Variants in AGBL4 observed in about 807,000 individuals in gnomAD.
AGBL4 encodes the protein AGBL carboxypeptidase 4, also known as cytosolic carboxypeptidase 6.
In AGBL4, 58 loss-of-function variants were observed where a neutral mutation model predicts 66.4. That is an observed-to-expected ratio of 0.87 (90% CI 0.71 to 1.09). The LOEUF (loss-of-function observed/expected upper bound fraction) is 1.09, where lower values mean the gene tolerates loss of function less well. AGBL4 is among the 50% of genes least tolerant of loss of function. AGBL4 has a pLI of 0.00. For missense variants in AGBL4, 579 were observed against 631.0 expected (o/e 0.92, Z 0.88); for synonymous variants, 234 against 222.9 (o/e 1.05, Z -0.44).
chr1:49,874,886 A>G (rs1182977305), intron 1 of AGBL4, among the ~76,000 whole-genome samples: 1 of 151,852 alleles, frequency 6.6e-6, no homozygotes, highest in Non-Finnish European at 1.5e-5. Flanking sequence ...CAGGTTAGTT[A>G]CATATGTATA....
chr1:48,682,009 A>G (rs1646462844), intron 6 of AGBL4, among the ~76,000 whole-genome samples: 1 of 152,228 alleles, frequency 6.6e-6, no homozygotes, highest in African/African-American at 2.4e-5. Flanking sequence ...AGTTAAAATG[A>G]GGTCATGAGG....
intron 3 of AGBL4, among the ~76,000 whole-genome samples, chr1:49,328,797 G>T (rs1645273777): frequency 6.6e-6 from 1 of 152,066 alleles, no homozygotes; most frequent in Admixed American, 6.6e-5. Context: ...ACCAACTCCT[G>T]TTATCCCATC....
intron 6 of AGBL4, among the ~76,000 whole-genome samples, chr1:48,762,658 G>T (rs1165467239): frequency 6.8e-6 from 1 of 147,912 alleles, no homozygotes; most frequent in East Asian, 2.0e-4. Flanking sequence ...GTGTGTGTGT[G>T]TATGTATTTG....
At chr1:49,076,371 TA>T (rs917302207) in intron 4 of AGBL4, among the ~76,000 whole-genome samples, 1 of 152,246 alleles carries the variant, frequency 6.6e-6, no homozygotes, top group African/African-American at 2.4e-5. Flanking sequence ...TTTTATACTA[TA>T]TTTAGAAATT....
At chr1:49,601,739 C>A (rs1223822164) in intron 3 of AGBL4, among the ~76,000 whole-genome samples, 1 of 152,102 alleles carries the variant, frequency 6.6e-6, no homozygotes, top group African/African-American at 2.4e-5. Flanking sequence ...AGACCTAAAA[C>A]CATAAAAACC....
At chr1:49,515,289 G>A (rs1467234485) in intron 3 of AGBL4, among the ~76,000 whole-genome samples, 2 of 152,118 alleles carry the variant, frequency 1.3e-5, no homozygotes, top group African/African-American at 4.8e-5. Context: ...ATGAAAAAAT[G>A]CTCATCATCA....
chr1:48,909,642 A>T (rs17105126), intron 5 of AGBL4, among the ~76,000 whole-genome samples: 4,491 of 152,294 alleles, frequency 0.029, 201 homozygotes, highest in African/African-American at 0.1. Flanking sequence ...AGGATGTGAT[A>T]TATCAGTATC....
At position 49,947,187 on chromosome 1, in the gene AGBL4, C is replaced by A. The variant is rs773818329; in HGVS notation, c.34+76576G>T. ...GAGAAAGAGGGATTCCTCCCTAAAT[C>A]ATTCTATGAAGCCAATATCACCCAA... On this transcript the variant is annotated intron_variant, in intron 1 of 13. Transcript: ENST00000371839. 7.9e-5 allele frequency among the ~76,000 whole-genome samples: 12 copies of A among 152,092 alleles called. 1 individual carries two copies. The highest frequency in any genetic ancestry group is 2.0e-4 in the Admixed American group (3 of 15,248).
At chr1:49,412,963 C>T (rs558218485) in intron 3 of AGBL4, among the ~76,000 whole-genome samples, 1 of 152,024 alleles carries the variant, frequency 6.6e-6, no homozygotes, top group Non-Finnish European at 1.5e-5. Context: ...TCCTGGCAGT[C>T]CTGTGGGATA....
At chr1:49,266,397 A>C (rs1034366236) in intron 3 of AGBL4, among the ~76,000 whole-genome samples, 1 of 151,032 alleles carries the variant, frequency 6.6e-6, no homozygotes, top group Non-Finnish European at 1.5e-5. Context: ...AGATACAGAC[A>C]AAAAAAAAGC....
At chr1:49,168,074 C>T (rs1040982819) in intron 4 of AGBL4, among the ~76,000 whole-genome samples, 12 of 152,100 alleles carry the variant, frequency 7.9e-5, no homozygotes, top group African/African-American at 2.9e-4. Flanking sequence ...AAATGCTATC[C>T]CATTTTATAT....
intron 2 of AGBL4, among the ~76,000 whole-genome samples, chr1:49,788,275 C>G (rs1264244997): frequency 1.3e-5 from 2 of 152,086 alleles, no homozygotes; most frequent in Non-Finnish European, 1.5e-5. Context: ...ATAACTAAGT[C>G]TATATAATGT....
intron 1 of AGBL4, among the ~76,000 whole-genome samples, chr1:50,002,430 C>T (rs1660829044): frequency 7.6e-6 from 1 of 132,346 alleles, no homozygotes; most frequent in East Asian, 2.1e-4. Flanking sequence ...AGTGCAGTGG[C>T]GCGATCTCGG....
At chr1:49,716,383 C>G in intron 2 of AGBL4, among the ~76,000 whole-genome samples, 1 of 151,988 alleles carries the variant, frequency 6.6e-6, no homozygotes, top group South Asian at 2.1e-4. Context: ...AGTCAGGTAG[C>G]GTGGTGCCTC....
At chr1:49,391,622 C>T (rs541927125) in intron 3 of AGBL4, among the ~76,000 whole-genome samples, 12 of 146,440 alleles carry the variant, frequency 8.2e-5, no homozygotes, top group Non-Finnish European at 1.3e-4. Context: ...AGTACAGTGG[C>T]GCGATCTCTG....
At chr1:49,096,281 C>T (rs1362873231) in intron 4 of AGBL4, among the ~76,000 whole-genome samples, 5 of 151,996 alleles carry the variant, frequency 3.3e-5, no homozygotes, top group Non-Finnish European at 7.4e-5. Flanking sequence ...GTCAGTGTGG[C>T]GATTCCTCAG....
intron 6 of AGBL4, among the ~76,000 whole-genome samples, chr1:48,864,054 C>A (rs1463137828): frequency 2.0e-5 from 3 of 151,958 alleles, no homozygotes; most frequent in Non-Finnish European, 4.4e-5. Context: ...ATATAAGTGA[C>A]ACAGTACTGA....
intron 4 of AGBL4, among the ~76,000 whole-genome samples, chr1:49,143,477 T>C (rs541309652): frequency 6.6e-6 from 1 of 152,318 alleles, no homozygotes; most frequent in East Asian, 1.9e-4. Flanking sequence ...TGTCTATCTC[T>C]GCATCAGTTG....
chr1:48,597,869 A>C (rs1479526151), intron 9 of AGBL4, among the ~76,000 whole-genome samples: 1 of 148,802 alleles, frequency 6.7e-6, no homozygotes, highest in Non-Finnish European at 1.5e-5. Flanking sequence ...AAAAGAAAGG[A>C]GAAAGAAAGA....
Sources: allele counts gnomAD v4.1 joint callset (sites outside exome capture counted in the v4.1 genomes callset), GRCh38; gene constraint gnomAD v4.1.1; transcripts MANE v1.5; gene names NCBI Gene and HGNC (gene_info 2026-07-23, HGNC 2026-07-21).